The following TEX14 variants were observed in gnomAD, a reference collection of about 807,000 sequenced individuals.
TEX14 encodes the protein testis expressed 14, intercellular bridge forming factor.
Under a neutral mutation model 178.6 loss-of-function variants are expected in TEX14, and 168 were observed. The observed-to-expected ratio is 0.94, with a 90% confidence interval of 0.83 to 1.07. TEX14 has a LOEUF of 1.07. Among genes scored for constraint, TEX14 ranks in the 50% least tolerant of loss-of-function variants. TEX14 has a pLI of 0.00. For synonymous variants in TEX14, 626 were observed against 634.1 expected, an observed-to-expected ratio of 0.99 and a Z score of 0.19; for missense variants, 1,730 against 1,753.6, an observed-to-expected ratio of 0.99 and a Z score of 0.24.
At chr17:58,631,055 A>C (rs1252156489) in intron 2 of TEX14, 3 of 495,236 alleles carry the variant, frequency 6.1e-6, no homozygotes, top group Non-Finnish European at 7.8e-6. Context: ...AAAAAAGGCC[A>C]AAGTAGTAAC....
rs2044380705 is a variant in TEX14, at chr17:58,565,631, A to G, written c.3964+116T>C. On this transcript the variant is annotated intron_variant, in intron 27 of 31. Transcript: ENST00000349033. ...TTGCCATACAAATAACTATAAAGTC[A>G]GACTTGAGGTGGAGTTGTGCCTGAC... The G allele has an allele frequency of 7.4e-6, 5 of 677,600 alleles. No homozygotes were observed. In the Admixed American group the frequency reaches 1.2e-4, roughly 16 times the overall value. 42.0% of individuals were successfully genotyped at this position (677,600 alleles called of 1,614,324 possible).
chr17:58,617,195 G>A (rs1347292430), intron 6 of TEX14, among the ~76,000 whole-genome samples: 1 of 152,036 alleles, frequency 6.6e-6, no homozygotes, highest in African/African-American at 2.4e-5. Context: ...TTGCAGCAGT[G>A]AGCCAAGATC....
chr17:58,663,344 C>T (rs1462889735), intron 1 of TEX14, among the ~76,000 whole-genome samples: 7 of 147,302 alleles, frequency 4.8e-5, no homozygotes, highest in East Asian at 4.0e-4. Context: ...ATTGCTTGAA[C>T]GTGGGAGGCG....
intron 1 of TEX14, chr17:58,679,600 A>AG (rs1326244909): frequency 1.3e-5 from 2 of 152,266 alleles, no homozygotes; most frequent in East Asian, 3.8e-4. Flanking sequence ...AGAAAACCAC[A>AG]GGGGTCAGCA....
At chr17:58,649,245 A>G (rs2143232482) in intron 2 of TEX14, among the ~76,000 whole-genome samples, 1 of 151,516 alleles carries the variant, frequency 6.6e-6, no homozygotes, top group South Asian at 2.1e-4. Context: ...ACGCCCAGCT[A>G]ATTTTTATAT....
chr17:58,564,027 G>A (rs1259274481), intron 28 of TEX14: 1 of 151,978 alleles, frequency 6.6e-6, no homozygotes, highest in Non-Finnish European at 1.5e-5. Context: ...AAAAGAGAGA[G>A]AAAATAACAA....
At chr17:58,616,379 C>T (rs1186715395) in intron 6 of TEX14, 74 bp from the exon 7 acceptor site, 8 of 1,549,830 alleles carry the variant, frequency 5.2e-6, no homozygotes, top group Non-Finnish European at 6.9e-6. Context: ...TCTTATCAGC[C>T]AGCTAAAAGA....
intron 21 of TEX14, among the ~76,000 whole-genome samples, chr17:58,576,200 T>C (rs2044671152): frequency 6.6e-6 from 1 of 152,262 alleles, no homozygotes; most frequent in Non-Finnish European, 1.5e-5. Flanking sequence ...AAATACACTT[T>C]ACTGGCTGAA....
At position 58,577,393 on chromosome 17, in the gene TEX14, T is replaced by G. The variant is rs938064141; in HGVS notation, c.3302A>C (p.Gln1101Pro). 6.7e-7 allele frequency: 1 copy of G among 1,493,622 alleles called. No individual in the cohort carries two copies. Among genetic ancestry groups the G allele is most frequent in the African/African-American group, 1.4e-5 (1 of 68,986 alleles). 92.5% of individuals were successfully genotyped at this position (1,493,622 alleles called of 1,614,324 possible). The change falls in exon 21 of 32, where the codon CAA (glutamine) becomes CCA (proline). Residue 1101 changes from glutamine to proline, a missense_variant. Physicochemically the swap from Gln to Pro is moderately conservative, Grantham distance 76. Coordinates refer to ENST00000349033, the MANE Select transcript of TEX14 (RefSeq NM_031272.5). The stretch of plus-strand genomic sequence containing the variant: ...CCCATACCTTCGTACAGGTTGAAAT[T>G]GAGACCTGGGCAAAATCTCAGCATT... Reference protein sequence around the residue: ...GKNAEILPRSQFQPVRSTEDE... With the variant: ...GKNAEILPRSPFQPVRSTEDE...
At chr17:58,649,115 T>C (rs1181864132) in intron 2 of TEX14, among the ~76,000 whole-genome samples, 2 of 148,570 alleles carry the variant, frequency 1.3e-5, no homozygotes, top group Non-Finnish European at 3.0e-5. Flanking sequence ...GTTTTGCTCT[T>C]GTTGCTCAGG....
In TEX14 at chr17:58,570,418, G is replaced by A. The variant is rs766501076; in HGVS notation, c.3784C>T (p.Pro1262Ser). 1.5e-5 allele frequency: 23 copies of A among 1,521,014 alleles called. No homozygotes were observed. The South Asian group carries it at 2.9e-4, about 19-fold the overall frequency. 94.2% of individuals were successfully genotyped at this position (1,521,014 alleles called of 1,614,324 possible). A position where few individuals can be genotyped will look rare whatever the true frequency, so the allele number is the denominator to read the frequency against. ...AGGCTCCTTCTCTGGGTGGCATGGG[G>A]TGGTGATGAGTCACATGCCTTAACA... ...SLVKACDSSPPHATQRRSLPK... is the reference protein window; with the variant it reads ...SLVKACDSSPSHATQRRSLPK... Residue 1262 changes from proline (P) to serine (S), a missense_variant, in exon 25 of 32, where the codon CCC becomes TCC. Physicochemically the swap from Pro to Ser is moderately conservative, Grantham distance 74. Around this residue, in one of 2 missense-constraint regions of TEX14, gnomAD observed 941 missense variants for 1,072.4 expected, o/e 0.88. Transcript: ENST00000349033.
chr17:58,681,242 A>T (rs1026817127), intron 1 of TEX14, among the ~76,000 whole-genome samples: 6 of 151,810 alleles, frequency 4.0e-5, no homozygotes, highest in African/African-American at 1.5e-4. Flanking sequence ...CTGAGCAACA[A>T]GATCGAAACT....
chr17:58,653,341 G>T (rs1275920749), intron 1 of TEX14, among the ~76,000 whole-genome samples: 1 of 152,186 alleles, frequency 6.6e-6, no homozygotes, highest in Non-Finnish European at 1.5e-5. Flanking sequence ...GAACTATGCA[G>T]AGAAATTTTA....
chr17:58,678,171 T>G (rs2047426994), intron 1 of TEX14, among the ~76,000 whole-genome samples: 1 of 151,772 alleles, frequency 6.6e-6, no homozygotes, highest in Non-Finnish European at 1.5e-5. Context: ...AAAAGGGAAG[T>G]TTTTAGATGT....
intron 1 of TEX14, among the ~76,000 whole-genome samples, chr17:58,691,661 T>C (rs1478523961): frequency 2.8e-5 from 3 of 106,982 alleles, no homozygotes; most frequent in East Asian, 2.4e-4. Flanking sequence ...AGTGAGACTC[T>C]GTCTCAAAAA....
intron 21 of TEX14, among the ~76,000 whole-genome samples, chr17:58,576,370 G>A (rs942910087): frequency 2.6e-5 from 4 of 152,118 alleles, no homozygotes; most frequent in African/African-American, 7.2e-5. Flanking sequence ...CTATAATTCC[G>A]CTACTTGGGA....
chr17:58,631,935 T>C (rs868298872), intron 2 of TEX14: 15 of 152,256 alleles, frequency 9.9e-5, no homozygotes, highest in Non-Finnish European at 1.0e-4. Flanking sequence ...AAAATATTAC[T>C]ATGTGTTTTT....
chr17:58,674,495 C>A (rs1429636829), intron 1 of TEX14, among the ~76,000 whole-genome samples: 1 of 151,954 alleles, frequency 6.6e-6, no homozygotes, highest in East Asian at 1.9e-4. Flanking sequence ...CGTGGCGAAA[C>A]CCCGTCTCTA....
chr17:58,645,430 C>A (rs2046682820), intron 2 of TEX14, among the ~76,000 whole-genome samples: 1 of 152,020 alleles, frequency 6.6e-6, no homozygotes, highest in African/African-American at 2.4e-5. Context: ...GCGATCTCGG[C>A]TCACTGCAAG....
Sources: allele counts gnomAD v4.1 joint callset (sites outside exome capture counted in the v4.1 genomes callset), GRCh38; gene constraint gnomAD v4.1.1; regional missense constraint gnomAD v4.1.1; transcripts MANE v1.5; gene names NCBI Gene and HGNC (gene_info 2026-07-23, HGNC 2026-07-21).